TEX2: variants seen among roughly 807,000 people sequenced by gnomAD.
The protein encoded by TEX2 is testis expressed 2, also known as testis-expressed protein 2.
TEX2 carries 53 observed loss-of-function variants against 106.9 expected under a neutral mutation model. The ratio of observed to expected loss-of-function variants is 0.50; its 90% CI spans 0.40 to 0.62. TEX2 has a LOEUF of 0.62. Among genes scored for constraint, TEX2 ranks in the 20% least tolerant of loss-of-function variants. The pLI is 0.00. For missense variants in TEX2, 1,207 were observed against 1,379.0 expected, an observed-to-expected ratio of 0.88 and a Z score of 1.98; for synonymous variants, 523 against 534.8, an observed-to-expected ratio of 0.98 and a Z score of 0.30.
intron 11 of TEX2, 40 bp downstream of exon 11, chr17:64,150,801 T>TA (rs2030312885): frequency 6.3e-7 from 1 of 1,587,672 alleles, no homozygotes. Flanking sequence ...CCAGAGCTTC[T>TA]ATACTTGGTG....
At chr17:64,224,873 T>C (rs553188702) in intron 1 of TEX2, among the ~76,000 whole-genome samples, 5 of 140,850 alleles carry the variant, frequency 3.5e-5, no homozygotes, top group South Asian at 2.1e-4. Context: ...CAGTAACTCA[T>C]TGAAAACCAG....
intron 1 of TEX2, among the ~76,000 whole-genome samples, chr17:64,219,287 CTTGAGG>C (rs1477247070): frequency 6.6e-6 from 1 of 152,034 alleles, no homozygotes; most frequent in Non-Finnish European, 1.5e-5. Context: ...GGGTGGATCC[CTTGAGG>C]TCAGGAATTC....
chr17:64,250,007 G>A (rs949225972), intron 1 of TEX2, among the ~76,000 whole-genome samples: 1 of 152,248 alleles, frequency 6.6e-6, no homozygotes, highest in South Asian at 2.1e-4. Context: ...CCTTTCCCAC[G>A]GGTTTTCAGC....
At chr17:64,188,440 T>G (rs746558604) in intron 4 of TEX2, 25 bp from the exon 5 acceptor site, 3 of 1,611,148 alleles carry the variant, frequency 1.9e-6, no homozygotes, top group East Asian at 4.5e-5. Flanking sequence ...ACGGGGGCTA[T>G]TCACACAATG....
At chr17:64,165,840 T>G (rs1265143300) in intron 7 of TEX2, among the ~76,000 whole-genome samples, 2 of 152,226 alleles carry the variant, frequency 1.3e-5, no homozygotes, top group Non-Finnish European at 2.9e-5. Context: ...AGGTTTCTAT[T>G]TCTGTGGGAC....
chr17:64,243,148 C>G (rs776828562), intron 1 of TEX2, among the ~76,000 whole-genome samples: 1 of 151,688 alleles, frequency 6.6e-6, no homozygotes, highest in African/African-American at 2.4e-5. Context: ...AGGCTGGTCT[C>G]GAACTGCTGA....
chr17:64,196,505 T>C (rs1392265983), intron 2 of TEX2, among the ~76,000 whole-genome samples: 1 of 152,174 alleles, frequency 6.6e-6, no homozygotes, highest in Non-Finnish European at 1.5e-5. Context: ...TCCCAAAGAA[T>C]GACCGGACAG....
intron 1 of TEX2, among the ~76,000 whole-genome samples, chr17:64,254,142 T>C (rs1290996371): frequency 6.6e-6 from 1 of 152,198 alleles, no homozygotes; most frequent in Non-Finnish European, 1.5e-5. Context: ...TTGAGTTCTT[T>C]TCACTCAGAG....
At chr17:64,230,153 A>G (rs2033623327) in intron 1 of TEX2, among the ~76,000 whole-genome samples, 1 of 152,214 alleles carries the variant, frequency 6.6e-6, no homozygotes, top group Non-Finnish European at 1.5e-5. Flanking sequence ...GTATGTGTGC[A>G]CACATGTGTG....
At chr17:64,160,678 G>A (rs1287147838) in intron 8 of TEX2, 123 bp downstream of exon 8, 3 of 1,237,008 alleles carry the variant, frequency 2.4e-6, no homozygotes, top group East Asian at 2.4e-5. Context: ...TGGTCCAGGA[G>A]CACTTACACA....
At chr17:64,233,414 AT>A (rs1555634789) in intron 1 of TEX2, among the ~76,000 whole-genome samples, 1 of 152,202 alleles carries the variant, frequency 6.6e-6, no homozygotes, top group African/African-American at 2.4e-5. Context: ...TCTACTAAAA[AT>A]ACAAAAAATT....
chr17:64,196,407 G>A (rs1353990233), intron 2 of TEX2, among the ~76,000 whole-genome samples: 1 of 152,156 alleles, frequency 6.6e-6, no homozygotes, highest in Non-Finnish European at 1.5e-5. Flanking sequence ...TTGTCATGGG[G>A]GAAAGAGTGT....
Position 64,217,736 on chromosome 17 carries a change from C to CA in TEX2, c.-25-3495dup, listed in dbSNP as rs1567950183. Reference sequence around the variant, plus strand: ...CTCAAGCCCTCAGGAACTGAAAGGCCAAAAAAGAAAGCTTCCTTCTCAACA... The same window carrying CA: ...CTCAAGCCCTCAGGAACTGAAAGGCCAAAAAAAGAAAGCTTCCTTCTCAACA... On this transcript the variant is annotated intron_variant, in intron 1 of 11. Transcript: ENST00000584379. The surrounding 1 kb of genome is among the most constrained non-coding windows in gnomAD (Gnocchi z 4.3). Among the ~76,000 whole-genome samples the CA allele has an allele frequency of 6.6e-6, 1 of 152,134 alleles. No individual in the cohort carries two copies. Among genetic ancestry groups the CA allele is most frequent in the African/African-American group, 2.4e-5 (1 of 41,504 alleles).
At chr17:64,247,926 T>G (rs2034020852) in intron 1 of TEX2, among the ~76,000 whole-genome samples, 1 of 152,202 alleles carries the variant, frequency 6.6e-6, no homozygotes, top group Non-Finnish European at 1.5e-5. Flanking sequence ...TTCATTACAC[T>G]CTTTTGAATA....
At chr17:64,164,678 T>G (rs1022759900) in intron 7 of TEX2, among the ~76,000 whole-genome samples, 5 of 152,204 alleles carry the variant, frequency 3.3e-5, no homozygotes, top group African/African-American at 1.2e-4. Context: ...AGCACTGAGA[T>G]GAACCCCTGC....
intron 8 of TEX2, among the ~76,000 whole-genome samples, chr17:64,159,380 G>A (rs770801959): frequency 3.9e-5 from 6 of 152,084 alleles, no homozygotes; most frequent in Non-Finnish European, 7.3e-5. Context: ...CAACTCTGTC[G>A]TCATGAGCTA....
chr17:64,251,444 C>T (rs1555636988), intron 1 of TEX2, among the ~76,000 whole-genome samples: 1 of 152,190 alleles, frequency 6.6e-6, no homozygotes, highest in Non-Finnish European at 1.5e-5. Flanking sequence ...TCCCAGAAAA[C>T]GCATCACTCT....
At chr17:64,253,166 C>A (rs2034122746) in intron 1 of TEX2, among the ~76,000 whole-genome samples, 1 of 152,008 alleles carries the variant, frequency 6.6e-6, no homozygotes, top group Non-Finnish European at 1.5e-5. Context: ...TTATTTGAGA[C>A]AGGGTCTCTG....
In TEX2 at chr17:64,217,950, G is replaced by A. The variant is rs1375083048; in HGVS notation, c.-25-3708C>T. ...CAAAGTGGTACACAAAATTAATCAC[G>A]TCCCGTCCCAGAATGGATGAGGGTG... On this transcript the variant is annotated intron_variant, in intron 1 of 11. Coordinates refer to ENST00000584379, the MANE Select transcript of TEX2 (RefSeq NM_001288732.2). The surrounding 1 kb of genome is among the most constrained non-coding windows in gnomAD (Gnocchi z 4.3). 6.6e-6 allele frequency among the ~76,000 whole-genome samples: 1 copy of A among 152,108 alleles called. No homozygotes were observed. The highest frequency in any genetic ancestry group is 2.4e-5 in the African/African-American group (1 of 41,408).
Sources: gnomAD v4.1 joint callset for allele counts (sites outside exome capture counted in the v4.1 genomes callset) on GRCh38, gnomAD v4.1.1 for gene constraint, Gnocchi (gnomAD v3.1) non-coding constraint, MANE v1.5 for transcripts, NCBI Gene and HGNC (gene_info 2026-07-23, HGNC 2026-07-21) for gene names.